NPAS3: variants seen among roughly 807,000 people sequenced by gnomAD.
NPAS3 encodes neuronal PAS domain protein 3.
Under a neutral mutation model 73.1 loss-of-function variants are expected in NPAS3, and 14 were observed. That is an observed-to-expected ratio of 0.19 (90% CI 0.13 to 0.30). The LOEUF (loss-of-function observed/expected upper bound fraction) is 0.30, where lower values mean the gene tolerates loss of function less well. Ranked by LOEUF, NPAS3 falls within the 10% of genes least tolerant of loss-of-function variation. NPAS3 has a pLI of 1.00. For missense variants in NPAS3, 1,096 were observed against 1,250.0 expected (o/e 0.88, Z 1.86); for synonymous variants, 620 against 541.5 (o/e 1.14, Z -2.01).
intron 2 of NPAS3, among the ~76,000 whole-genome samples, chr14:33,062,301 G>A (rs59374902): frequency 0.29 from 42,643 of 146,582 alleles, 6,347 homozygotes; most frequent in Middle Eastern, 0.37. Context: ...AAAAAAAAAA[G>A]AAAAAAAAAA....
At chr14:33,535,023 G>A (rs2054199676) in intron 4 of NPAS3, among the ~76,000 whole-genome samples, 2 of 152,250 alleles carry the variant, frequency 1.3e-5, no homozygotes, top group East Asian at 1.9e-4. Flanking sequence ...TTTTCTCAGA[G>A]GATTCAATGA....
intron 4 of NPAS3, among the ~76,000 whole-genome samples, chr14:33,395,541 C>T (rs552939826): frequency 1.3e-3 from 194 of 151,334 alleles, no homozygotes; most frequent in Admixed American, 2.5e-3. Context: ...CATATGTGCA[C>T]GTATACATAC....
At chr14:33,683,113 GC>G (rs2140368453) in intron 6 of NPAS3, among the ~76,000 whole-genome samples, 1 of 152,126 alleles carries the variant, frequency 6.6e-6, no homozygotes, top group Non-Finnish European at 1.5e-5. Flanking sequence ...AAAAAATACA[GC>G]TTTTATATAA....
At chr14:33,091,095 C>A (rs1453792417) in intron 2 of NPAS3, among the ~76,000 whole-genome samples, 1 of 152,034 alleles carries the variant, frequency 6.6e-6, no homozygotes, top group African/African-American at 2.4e-5. Context: ...GAAGCAAAAG[C>A]AAACACATTC....
At chr14:33,576,572 C>G (rs1223207098) in intron 5 of NPAS3, among the ~76,000 whole-genome samples, 1 of 152,124 alleles carries the variant, frequency 6.6e-6, no homozygotes, top group Non-Finnish European at 1.5e-5. Context: ...TAACTTGGTT[C>G]TGTACATTAA....
chr14:33,391,762 A>G (rs1465042465), intron 4 of NPAS3, among the ~76,000 whole-genome samples: 1 of 152,196 alleles, frequency 6.6e-6, no homozygotes, highest in Non-Finnish European at 1.5e-5. Context: ...ATCCTACTGG[A>G]CACCATGTTA....
At chr14:33,443,402 A>G (rs1014927530) in intron 4 of NPAS3, among the ~76,000 whole-genome samples, 3 of 152,144 alleles carry the variant, frequency 2.0e-5, no homozygotes, top group African/African-American at 7.2e-5. Flanking sequence ...AAAGATTGCT[A>G]ACTTTATGTA....
intron 3 of NPAS3, among the ~76,000 whole-genome samples, chr14:33,303,389 A>G (rs1185974280): frequency 6.6e-6 from 1 of 152,150 alleles, no homozygotes; most frequent in Non-Finnish European, 1.5e-5. Flanking sequence ...AATATCAATT[A>G]TTATAGAATA....
At chr14:33,368,534 T>C (rs745825644) in intron 4 of NPAS3, among the ~76,000 whole-genome samples, 5 of 152,194 alleles carry the variant, frequency 3.3e-5, no homozygotes, top group Non-Finnish European at 5.9e-5. Context: ...AGGTCTGAGA[T>C]AGCACCTTTC....
At chr14:33,420,156 A>G (rs1224879262) in intron 4 of NPAS3, among the ~76,000 whole-genome samples, 1 of 151,974 alleles carries the variant, frequency 6.6e-6, no homozygotes, top group African/African-American at 2.4e-5. Flanking sequence ...ACTTTGCTTT[A>G]TAGACAAGGA....
chr14:33,521,509 G>A (rs1273069194), intron 4 of NPAS3, among the ~76,000 whole-genome samples: 1 of 104,560 alleles, frequency 9.6e-6, no homozygotes, highest in African/African-American at 3.6e-5. Context: ...GAGATGATCT[G>A]CTTTAAAAAA....
intron 3 of NPAS3, among the ~76,000 whole-genome samples, chr14:33,279,780 A>G (rs2041510506): frequency 6.6e-6 from 1 of 152,190 alleles, no homozygotes; most frequent in African/African-American, 2.4e-5. Flanking sequence ...ATGTCAGAAT[A>G]CAAAGTATTC....
intron 2 of NPAS3, among the ~76,000 whole-genome samples, chr14:33,075,246 G>T (rs986205515): frequency 6.6e-6 from 1 of 152,036 alleles, no homozygotes; most frequent in African/African-American, 2.4e-5. Context: ...TTTTCTTAGG[G>T]TCCCTCTATA....
intron 5 of NPAS3, among the ~76,000 whole-genome samples, chr14:33,672,949 T>C (rs1184305433): frequency 6.6e-6 from 1 of 152,214 alleles, no homozygotes; most frequent in African/African-American, 2.4e-5. Context: ...ATGTTGAAAG[T>C]GTTAGATACA....
chr14:33,255,156 G>C (rs1016715410), intron 3 of NPAS3, among the ~76,000 whole-genome samples: 1 of 152,144 alleles, frequency 6.6e-6, no homozygotes, highest in Non-Finnish European at 1.5e-5. Flanking sequence ...GGCTAACATA[G>C]CAGGTTTGGA....
chr14:33,007,050 C>T (rs1035502637), intron 1 of NPAS3, among the ~76,000 whole-genome samples: 11 of 152,024 alleles, frequency 7.2e-5, no homozygotes, highest in African/African-American at 2.2e-4. Context: ...ACCTATTTTC[C>T]AACTTTAACG....
At chr14:32,948,371 A>G (rs2036349880) in intron 1 of NPAS3, among the ~76,000 whole-genome samples, 1 of 152,174 alleles carries the variant, frequency 6.6e-6, no homozygotes, top group South Asian at 2.1e-4. Context: ...GTTTGAATCT[A>G]AGAACTTTAC....
chr14:33,700,418 A>G (rs1427984900), intron 6 of NPAS3, among the ~76,000 whole-genome samples: 2 of 152,216 alleles, frequency 1.3e-5, no homozygotes, highest in Non-Finnish European at 2.9e-5. Context: ...GCTTAAAAAT[A>G]ATGTTCTGTC....
At chr14:32,975,301 C>CCTCCCTTCCTCCGTCA (rs10639233) in intron 1 of NPAS3, among the ~76,000 whole-genome samples, 73,655 of 116,142 alleles carry the variant, frequency 0.63, 19,443 homozygotes, top group Middle Eastern at 0.71. Context: ...TCCCTCCCTC[C>CCTCCCTTCCTCCGTCA]CTCCCTGCCT....
Sources: allele counts gnomAD v4.1 joint callset (sites outside exome capture counted in the v4.1 genomes callset), GRCh38; gene constraint gnomAD v4.1.1; transcripts MANE v1.5; gene names NCBI Gene and HGNC (gene_info 2026-07-23, HGNC 2026-07-21).